Variants in CNNM1 observed in about 807,000 individuals in gnomAD.
The protein encoded by CNNM1 is cyclin and CBS domain divalent metal cation transport mediator 1.
In CNNM1, 44 loss-of-function variants were observed where a neutral mutation model predicts 78.8. The ratio of observed to expected loss-of-function variants is 0.56; its 90% CI spans 0.44 to 0.72. The LOEUF (loss-of-function observed/expected upper bound fraction) is 0.72. Among genes scored for constraint, CNNM1 ranks in the 30% least tolerant of loss-of-function variants. The pLI, the probability that CNNM1 is intolerant of heterozygous loss-of-function variation, is 0.00. For synonymous variants in CNNM1, 584 were observed against 581.5 expected (o/e 1.00, Z -0.06); for missense variants, 1,101 against 1,292.2 (o/e 0.85, Z 2.27).
chr10:99,361,067 C>G, intron 3 of CNNM1, 92 bp downstream of exon 3: 3 of 1,344,366 alleles, frequency 2.2e-6, no homozygotes, highest in Non-Finnish European at 3.0e-6. Flanking sequence ...CAGCCTGATT[C>G]CAGTGTGCTG....
intron 7 of CNNM1, among the ~76,000 whole-genome samples, chr10:99,382,468 T>C (rs1203922493): frequency 7.2e-5 from 11 of 152,064 alleles, no homozygotes; most frequent in Non-Finnish European, 1.5e-4. Flanking sequence ...AACAACATCA[T>C]ACCATGATAG....
At chr10:99,372,863 C>T (rs569649654) in intron 6 of CNNM1, among the ~76,000 whole-genome samples, 392 of 152,126 alleles carry the variant, frequency 2.6e-3, no homozygotes, top group Admixed American at 0.016. Context: ...TTAAAAATTG[C>T]TTTTATAGAC....
intron 2 of CNNM1, among the ~76,000 whole-genome samples, chr10:99,357,965 T>G (rs1276764326): frequency 6.6e-6 from 1 of 152,178 alleles, no homozygotes; most frequent in East Asian, 1.9e-4. Context: ...CCCAGGACGG[T>G]GCCCAGAGGC....
intron 1 of CNNM1, among the ~76,000 whole-genome samples, chr10:99,343,577 A>G (rs2134022796): frequency 6.6e-6 from 1 of 152,250 alleles, no homozygotes; most frequent in South Asian, 2.1e-4. Context: ...CTGACTTGCC[A>G]CCTCAGACCA....
At chr10:99,331,405 T>C (rs1029377209) in intron 1 of CNNM1, among the ~76,000 whole-genome samples, 1 of 152,226 alleles carries the variant, frequency 6.6e-6, no homozygotes, top group Non-Finnish European at 1.5e-5. Context: ...ATTCCATTGC[T>C]GGACAGCTCC....
Position 99,392,592 on chromosome 10 carries a change from T to C in CNNM1, c.*1076T>C, listed in dbSNP as rs1400609356. On this transcript the variant is annotated 3_prime_UTR_variant, in exon 11 of 11. Coordinates refer to ENST00000356713, the MANE Select transcript of CNNM1 (RefSeq NM_020348.3). The stretch of plus-strand genomic sequence containing the variant: ...TACTTTATTCCAAGAACTTACTGGA[T>C]CTCTGGTTTTTCTCCTGAAGTTGGG... 6.6e-6 allele frequency: 1 copy of C among 152,382 alleles called. No homozygotes were observed. Among genetic ancestry groups the C allele is most frequent in the African/African-American group, 2.4e-5 (1 of 41,436 alleles). The allele number at this position is 152,382 out of a possible 1,614,324, so 9.4% of individuals were successfully genotyped here.
At chr10:99,391,059 A>C (rs1285813569) in intron 10 of CNNM1, among the ~76,000 whole-genome samples, 1 of 152,242 alleles carries the variant, frequency 6.6e-6, no homozygotes, top group Non-Finnish European at 1.5e-5. Flanking sequence ...GATTCATGGG[A>C]CATCAAAGTC....
chr10:99,362,535 C>T, intron 4 of CNNM1, 139 bp downstream of exon 4: 3 of 774,118 alleles, frequency 3.9e-6, no homozygotes, highest in Non-Finnish European at 4.1e-6. Flanking sequence ...GTGGACATTT[C>T]TTCATGACCC....
At chr10:99,335,950 C>G (rs1026691131) in intron 1 of CNNM1, among the ~76,000 whole-genome samples, 1 of 152,202 alleles carries the variant, frequency 6.6e-6, no homozygotes, top group African/African-American at 2.4e-5. Context: ...AGGGCCCACC[C>G]TTATGCCATC....
At chr10:99,360,504 C>T (rs551281777) in intron 2 of CNNM1, among the ~76,000 whole-genome samples, 43 of 152,206 alleles carry the variant, frequency 2.8e-4, no homozygotes, top group African/African-American at 9.6e-4. Context: ...TATTATTAGC[C>T]TCCTTGTACA....
Position 99,388,237 on chromosome 10 carries a change from T to A in CNNM1, c.2610T>A (p.Thr870=). The A allele has an allele frequency of 6.2e-7, 1 of 1,613,990 alleles. No homozygotes were observed. The highest frequency in any genetic ancestry group is 8.5e-7 in the Non-Finnish European group (1 of 1,179,888). The change falls in exon 9 of 11, where the codon ACT becomes ACA. Residue 870 remains threonine (T), a synonymous_variant. Transcript: ENST00000356713. ...EELAFTQEEM[T]DFEEHSTQQL... is the part of the protein sequence containing the mutation. The stretch of plus-strand genomic sequence containing the variant: ...TGGCCTTCACCCAGGAAGAAATGAC[T>A]GACTTCGAGGAGCACAGCACACAGC...
intron 6 of CNNM1, chr10:99,368,508 G>A (rs2031695230): frequency 3.6e-5 from 19 of 530,782 alleles, no homozygotes; most frequent in South Asian, 3.2e-4. Flanking sequence ...ATGTGATGTT[G>A]TGAAGATCCA....
At chr10:99,383,730 G>C (rs2032225230) in intron 7 of CNNM1, among the ~76,000 whole-genome samples, 1 of 152,190 alleles carries the variant, frequency 6.6e-6, no homozygotes, top group Admixed American at 6.5e-5. Flanking sequence ...AGCTGGGTGG[G>C]ACCAGTGGTT....
intron 7 of CNNM1, among the ~76,000 whole-genome samples, chr10:99,383,205 AG>A (rs763876501): frequency 2.0e-5 from 3 of 152,240 alleles, no homozygotes; most frequent in Non-Finnish European, 2.9e-5. Context: ...GTTAAATAAT[AG>A]TGACCAATGC....
At position 99,330,441 on chromosome 10, in the gene CNNM1, C is replaced by G; in HGVS notation, c.1054C>G (p.Leu352Val). ...CPYSVCSRHG[L>V]AIASHSVCLT... Reference sequence around the variant, plus strand: ...CTACTCAGTGTGTTCGCGGCACGGGCTGGCCATCGCCTCGCACAGCGTGTG... The same window carrying G: ...CTACTCAGTGTGTTCGCGGCACGGGGTGGCCATCGCCTCGCACAGCGTGTG... Residue 352 changes from leucine to valine, a missense_variant, in exon 1 of 11, where the codon CTG (leucine) becomes GTG (valine). This residue lies in a region of CNNM1 where 277 missense variants were observed against 423.2 expected (regional missense o/e 0.65). Coordinates refer to ENST00000356713, the MANE Select transcript of CNNM1 (RefSeq NM_020348.3). 6.3e-7 allele frequency: 1 copy of G among 1,590,596 alleles called. No individual in the cohort carries two copies. The highest frequency in any genetic ancestry group is 8.6e-7 in the Non-Finnish European group (1 of 1,169,470).
At chr10:99,339,577 C>T (rs1295080009) in intron 1 of CNNM1, among the ~76,000 whole-genome samples, 2 of 152,174 alleles carry the variant, frequency 1.3e-5, no homozygotes, top group East Asian at 1.9e-4. Flanking sequence ...ATCTAGGTTG[C>T]GTGCTCCTTG....
chr10:99,344,944 G>A (rs1011543471), intron 1 of CNNM1, among the ~76,000 whole-genome samples: 11 of 152,126 alleles, frequency 7.2e-5, no homozygotes, highest in African/African-American at 9.7e-5. Context: ...CAGCCTCCAG[G>A]CATTTACAGA....
At chr10:99,365,049 G>A in intron 6 of CNNM1, 47 bp downstream of exon 6, 2 of 1,599,522 alleles carry the variant, frequency 1.3e-6, no homozygotes. Flanking sequence ...TCGTAGTCCT[G>A]CCTCAGCCCG....
At chr10:99,390,263 G>A in intron 9 of CNNM1, 43 bp from the exon 10 acceptor site, 1 of 1,395,160 alleles carries the variant, frequency 7.2e-7, no homozygotes, top group Non-Finnish European at 1.0e-6. Flanking sequence ...ATGCCTGAGT[G>A]TGTAGGTTGA....
Sources: gnomAD v4.1 joint callset for allele counts (sites outside exome capture counted in the v4.1 genomes callset) on GRCh38, gnomAD v4.1.1 for gene constraint, gnomAD v4.1.1 regional missense constraint, MANE v1.5 for transcripts, NCBI Gene and HGNC (gene_info 2026-07-23, HGNC 2026-07-21) for gene names.